The following MRPL14 variants were observed in gnomAD, a reference collection of about 807,000 sequenced individuals.
MRPL14 encodes mitochondrial ribosomal protein L14.
MRPL14 carries 8 observed loss-of-function variants against 10.9 expected under a neutral mutation model. That is an observed-to-expected ratio of 0.74 (90% CI 0.43 to 1.33). The LOEUF is 1.33. MRPL14 is among the 40% of genes most tolerant of loss of function. MRPL14 has a pLI of 0.01. For synonymous variants in MRPL14, 82 were observed against 74.1 expected (o/e 1.11, Z -0.54); for missense variants, 179 against 194.5 (o/e 0.92, Z 0.47).
chr6:44,122,980 A>T (rs1477050620), intron 1 of MRPL14, among the ~76,000 whole-genome samples: 1 of 152,204 alleles, frequency 6.6e-6, no homozygotes, highest in East Asian at 1.9e-4. Flanking sequence ...TTTGCTGCCC[A>T]ACTATTTCCT....
chr6:44,116,775 C>T (rs1775890697), intron 1 of MRPL14, 146 bp from the exon 2 acceptor site: 2 of 625,336 alleles, frequency 3.2e-6, no homozygotes, highest in Admixed American at 2.7e-5. Context: ...AAAGGATACA[C>T]AGATGATTAG....
rs186217312 is a variant in MRPL14, at chr6:44,124,871, C to T, written c.-19+2473G>A. Among the ~76,000 whole-genome samples the T allele has an allele frequency of 9.5e-4, 145 of 152,272 alleles. 2 individuals carry two copies. The East Asian group carries it at 0.021, about 22-fold the overall frequency. ...GAAGGCTAAACCATAACCTGCTTTT[C>T]GAGACCCCCCCTACAGCCCTAAGAA... On this transcript the variant is annotated intron_variant, in intron 1 of 2. Coordinates refer to ENST00000372014, the MANE Select transcript of MRPL14 (RefSeq NM_032111.4).
intron 1 of MRPL14, among the ~76,000 whole-genome samples, chr6:44,126,343 CA>C (rs1226712098): frequency 6.6e-6 from 1 of 152,174 alleles, no homozygotes; most frequent in African/African-American, 2.4e-5. Context: ...TCCAACTCAC[CA>C]ATAGGATTCA....
At position 44,119,039 on chromosome 6, in the gene MRPL14, C is replaced by T. The variant is rs572033543; in HGVS notation, c.-18-2410G>A. 3.3e-5 allele frequency among the ~76,000 whole-genome samples: 5 copies of T among 152,250 alleles called. No homozygotes were observed. The East Asian group carries it at 5.8e-4, about 18-fold the overall frequency. ...AATTATTATTAGCCTCATTGTTATA[C>T]ACAAGGAAATAAAGCCCAGAGAGGT... On this transcript the variant is annotated intron_variant, in intron 1 of 2. Transcript: ENST00000372014.
At chr6:44,114,457 C>A (rs777186545) in intron 2 of MRPL14, among the ~76,000 whole-genome samples, 8 of 152,138 alleles carry the variant, frequency 5.3e-5, no homozygotes, top group Non-Finnish European at 2.9e-5. Flanking sequence ...TAAAGAGAAC[C>A]CAATTTTTCT....
At chr6:44,124,278 C>G (rs937204485) in intron 1 of MRPL14, among the ~76,000 whole-genome samples, 5 of 152,162 alleles carry the variant, frequency 3.3e-5, no homozygotes, top group Admixed American at 3.3e-4. Flanking sequence ...TTCTCTCACA[C>G]CAAGTCTGTG....
rs1364836956 is a variant in MRPL14 at position 44,121,924 on chromosome 6, G to A, written c.-18-5295C>T. Among the ~76,000 whole-genome samples, 3 of 132,746 alleles carry A rather than the reference G, an allele frequency of 2.3e-5. No individual in the cohort carries two copies. The South Asian group carries it at 7.5e-4, about 33-fold the overall frequency. 87.1% of individuals were successfully genotyped at this position (132,746 alleles called of 152,430 possible). ...ACTGCACTCCAGCCTAGGCAACAGA[G>A]TAAGACTGTCTCAAAAAAAAAAAAA... On this transcript the variant is annotated intron_variant, in intron 1 of 2. Coordinates refer to ENST00000372014, the MANE Select transcript of MRPL14 (RefSeq NM_032111.4).
chr6:44,114,092 C>T lies in MRPL14; in HGVS notation c.189G>A (p.Lys63=). 2 of 1,614,154 alleles carry T rather than the reference C, an allele frequency of 1.2e-6. No homozygotes were observed. The highest frequency in any genetic ancestry group is 1.7e-6 in the Non-Finnish European group (2 of 1,179,976). ...GGTCGCCCACCTTGCCCACTCCATTCTTCTTATAGACATGGATGCAGCGAG... is the reference window on the plus strand; with the variant it reads ...GGTCGCCCACCTTGCCCACTCCATTTTTCTTATAGACATGGATGCAGCGAG... ...RAPRCIHVYK[K]NGVGKVGDQI... The change falls in exon 3 of 3, where the codon AAG becomes AAA. Residue 63 remains lysine (K), a synonymous_variant. Transcript: ENST00000372014.
At chr6:44,119,966 C>A (rs762871626) in intron 1 of MRPL14, among the ~76,000 whole-genome samples, 1 of 152,218 alleles carries the variant, frequency 6.6e-6, no homozygotes, top group African/African-American at 2.4e-5. Context: ...AGTCCAAGAA[C>A]TGCAGAAGCA....
rs749128042 is a variant in MRPL14 at position 44,113,794 on chromosome 6, T to G, written c.*49A>C. The G allele has an allele frequency of 1.3e-6, 2 of 1,514,730 alleles. No homozygotes were observed. The highest frequency in any genetic ancestry group is 2.8e-5 in the African/African-American group (2 of 71,786). The allele number at this position is 1,514,730 out of a possible 1,614,324, so 93.8% of individuals were successfully genotyped here. ...AGCTCCCTTAGCAAAAGGGTGGTTCTCAGAACTGCTCCATTCACGAGTCCT... is the reference window on the plus strand; with the variant it reads ...AGCTCCCTTAGCAAAAGGGTGGTTCGCAGAACTGCTCCATTCACGAGTCCT... On this transcript the variant is annotated 3_prime_UTR_variant, in exon 3 of 3. Coordinates refer to ENST00000372014, the MANE Select transcript of MRPL14 (RefSeq NM_032111.4).
At chr6:44,125,528 C>T (rs1364021363) in intron 1 of MRPL14, among the ~76,000 whole-genome samples, 3 of 151,512 alleles carry the variant, frequency 2.0e-5, no homozygotes, top group Non-Finnish European at 4.4e-5. Context: ...TGGTGGCTCG[C>T]GCCTGCAGTC....
rs1582713486 is a variant in MRPL14, at chr6:44,114,324, G to C, written c.72-115C>G. 3.2e-6 allele frequency: 4 copies of C among 1,267,360 alleles called. No individual in the cohort carries two copies. The East Asian group carries it at 9.4e-5, about 30-fold the overall frequency. The allele number at this position is 1,267,360 out of a possible 1,614,324, so 78.5% of individuals were successfully genotyped here. ...ACATGTCAGCAACACACACAGAGCA[G>C]AGTGCTGTCCAGGAGCAGCAACAGA... On this transcript the variant is annotated intron_variant, in intron 2 of 2. Coordinates refer to ENST00000372014, the MANE Select transcript of MRPL14 (RefSeq NM_032111.4).
In MRPL14 at chr6:44,118,126, T is replaced by C. The variant is rs570216710; in HGVS notation, c.-18-1497A>G. Among the ~76,000 whole-genome samples the C allele has an allele frequency of 1.6e-4, 24 of 152,310 alleles. 1 individual carries two copies. The South Asian group carries it at 3.5e-3, about 22-fold the overall frequency. On this transcript the variant is annotated intron_variant, in intron 1 of 2. Transcript: ENST00000372014. Reference sequence around the variant, plus strand: ...ATCAAATGCAAAAGAAGGCAGCTAATGTATGCAACTACTAACATCTGACAC... The same window carrying C: ...ATCAAATGCAAAAGAAGGCAGCTAACGTATGCAACTACTAACATCTGACAC...
At chr6:44,120,825 G>A (rs1014613132) in intron 1 of MRPL14, among the ~76,000 whole-genome samples, 1 of 152,220 alleles carries the variant, frequency 6.6e-6, no homozygotes, top group Non-Finnish European at 1.5e-5. Flanking sequence ...AAACGGCAGA[G>A]CTCTTATCTG....
chr6:44,116,518 A>C (rs1303046273), intron 2 of MRPL14, 23 bp downstream of exon 2: 19 of 1,612,192 alleles, frequency 1.2e-5, no homozygotes, highest in Non-Finnish European at 1.6e-5. Context: ...ACACAGTTTT[A>C]AGAACTTAAT....
intron 1 of MRPL14, chr6:44,127,137 T>TCCGGGTAAGGGGCCTCCCCTC (rs1777188646): frequency 2.2e-5 from 3 of 137,952 alleles, no homozygotes; most frequent in Admixed American, 7.2e-5. Flanking sequence ...GGGAGGAGGA[T>TCCGGGTAAGGGGCCTCCCCTC]CCGGGTAAGG....
At position 44,116,592 on chromosome 6, in the gene MRPL14, A is replaced by C; in HGVS notation, c.20T>G (p.Leu7Arg). 1 of 1,614,192 alleles carries C rather than the reference A, an allele frequency of 6.2e-7. No homozygotes were observed. The highest frequency in any genetic ancestry group is 8.5e-7 in the Non-Finnish European group (1 of 1,180,020). MAFFTG[L>R]WGPFTCVSRV... ...GCTTACACAGGTGAAGGGGCCCCAGAGCCCAGTAAAGAAAGCCATGGGATC... is the reference window on the plus strand; with the variant it reads ...GCTTACACAGGTGAAGGGGCCCCAGCGCCCAGTAAAGAAAGCCATGGGATC... Residue 7 changes from leucine to arginine, a missense_variant, in exon 2 of 3, where the codon CTC (leucine) becomes CGC (arginine). By Grantham distance (102) the Leu-to-Arg change is moderately radical (BLOSUM62 -2). Coordinates refer to ENST00000372014, the MANE Select transcript of MRPL14 (RefSeq NM_032111.4).
At chr6:44,114,440 TG>T (rs1319703773) in intron 2 of MRPL14, among the ~76,000 whole-genome samples, 1 of 152,222 alleles carries the variant, frequency 6.6e-6, no homozygotes, top group East Asian at 1.9e-4. Context: ...TCAATTTGGA[TG>T]GGTTTTAAAG....
In MRPL14 at chr6:44,114,166, G is replaced by C. The variant is rs138947067; in HGVS notation, c.115C>G (p.Arg39Gly). The C allele has an allele frequency of 6.2e-7, 1 of 1,613,232 alleles. No individual in the cohort carries two copies. Among genetic ancestry groups the C allele is most frequent in the Non-Finnish European group, 8.5e-7 (1 of 1,179,436 alleles). Reference protein sequence around the residue: ...LSAIQKMTRVRVVDNSALGNS... With the variant: ...LSAIQKMTRVGVVDNSALGNS... ...CCCAGGGCACTGTTGTCCACCACTCGTACCCGCGTCATCTTCTGAATCGCA... is the reference window on the plus strand; with the variant it reads ...CCCAGGGCACTGTTGTCCACCACTCCTACCCGCGTCATCTTCTGAATCGCA... The change falls in exon 3 of 3, where the codon CGA becomes GGA. Residue 39 changes from arginine to glycine, a missense_variant. Arg to Gly is a moderately radical substitution (Grantham distance 125). Coordinates refer to ENST00000372014, the MANE Select transcript of MRPL14 (RefSeq NM_032111.4).
Sources: allele counts gnomAD v4.1 joint callset (sites outside exome capture counted in the v4.1 genomes callset), GRCh38; gene constraint gnomAD v4.1.1; transcripts MANE v1.5; gene names NCBI Gene and HGNC (gene_info 2026-07-23, HGNC 2026-07-21).